FHIT: variants seen among roughly 807,000 people sequenced by gnomAD.
FHIT encodes bis(5'-adenosyl)-triphosphatase.
A neutral mutation model predicts 17.9 loss-of-function variants in FHIT; 19 were observed. The ratio of observed to expected loss-of-function variants is 1.06; its 90% CI spans 0.74 to 1.56. The LOEUF (loss-of-function observed/expected upper bound fraction) is 1.56. Ranked by LOEUF, FHIT falls within the 40% of genes most tolerant of loss-of-function variation. The probability of loss-of-function intolerance (pLI) is 0.00; values close to 1 mark genes in which losing one functional copy is unlikely to be tolerated. For missense variants in FHIT, 248 were observed against 189.2 expected (o/e 1.31, Z -1.82); for synonymous variants, 81 against 69.7 (o/e 1.16, Z -0.81).
At position 60,464,022 on chromosome 3, in the gene FHIT, T is replaced by TTGTGGAA. The variant is rs2032639449; in HGVS notation, c.103+72837_103+72838insTTCCACA. 3.9e-5 allele frequency among the ~76,000 whole-genome samples: 6 copies of TTGTGGAA among 152,308 alleles called. No homozygotes were observed. In the South Asian group the frequency reaches 1.2e-3, roughly 32 times the overall value. On this transcript the variant is annotated intron_variant, in intron 5 of 9. Coordinates refer to ENST00000492590, the MANE Select transcript of FHIT (RefSeq NM_002012.4). ...AAGAACATGTAATTTGCCCTTTATT[T>TTGTGGAA]GCACAGTTTGGAATCATCATCATAA...
At chr3:60,543,806 G>A (rs1028519196) in intron 4 of FHIT, among the ~76,000 whole-genome samples, 3 of 151,358 alleles carry the variant, frequency 2.0e-5, no homozygotes, top group African/African-American at 4.9e-5. Flanking sequence ...GTGCAGCGGC[G>A]CAATCTCGGC....
intron 8 of FHIT, among the ~76,000 whole-genome samples, chr3:59,761,109 G>C (rs1211565582): frequency 1.3e-5 from 2 of 152,174 alleles, no homozygotes; most frequent in Admixed American, 1.3e-4. Context: ...AACCTTGTAA[G>C]GGATTGGAAC....
intron 4 of FHIT, among the ~76,000 whole-genome samples, chr3:60,630,903 T>G (rs1284312913): frequency 7.0e-6 from 1 of 142,838 alleles, no homozygotes; most frequent in Non-Finnish European, 1.5e-5. Context: ...AATAGCCACA[T>G]GTCAAATTTA....
At chr3:60,071,490 G>A (rs761760349) in intron 5 of FHIT, among the ~76,000 whole-genome samples, 15 of 152,074 alleles carry the variant, frequency 9.9e-5, no homozygotes, top group Non-Finnish European at 2.1e-4. Context: ...CACTTCTGAG[G>A]CTGTGTGTTT....
At chr3:61,218,145 T>C (rs1286650684) in intron 1 of FHIT, among the ~76,000 whole-genome samples, 1 of 152,122 alleles carries the variant, frequency 6.6e-6, no homozygotes, top group Non-Finnish European at 1.5e-5. Context: ...CAGTTGTGAA[T>C]ATGGATGTGA....
At position 60,990,094 on chromosome 3, in the gene FHIT, C is replaced by G. The variant is rs577177818; in HGVS notation, c.-111+51953G>C. Among the ~76,000 whole-genome samples, 5 of 152,156 alleles carry G rather than the reference C, an allele frequency of 3.3e-5. No individual in the cohort carries two copies. The East Asian group carries it at 9.6e-4, about 29-fold the overall frequency. On this transcript the variant is annotated intron_variant, in intron 3 of 9. Transcript: ENST00000492590. Reference sequence around the variant, plus strand: ...CAGCCCCGCCCATCACACCCACAACCCTTATGTACGCCCAAGGGTGCCTGG... The same window carrying G: ...CAGCCCCGCCCATCACACCCACAACGCTTATGTACGCCCAAGGGTGCCTGG...
intron 5 of FHIT, among the ~76,000 whole-genome samples, chr3:60,531,570 G>A (rs1354627637): frequency 1.3e-5 from 2 of 152,120 alleles, no homozygotes. Flanking sequence ...GAGCCACCGC[G>A]CCCGGCCGAA....
intron 4 of FHIT, among the ~76,000 whole-genome samples, chr3:60,779,723 CAA>C (rs1700321102): frequency 6.6e-6 from 1 of 151,928 alleles, no homozygotes; most frequent in African/African-American, 2.4e-5. Context: ...AGCTTCACAT[CAA>C]AGCCTTAGGA....
chr3:60,852,723 T>A (rs1428255926), intron 3 of FHIT, among the ~76,000 whole-genome samples: 1 of 152,010 alleles, frequency 6.6e-6, no homozygotes, highest in Non-Finnish European at 1.5e-5. Context: ...TAAGGCAGTC[T>A]TGAAAAAAAG....
chr3:60,524,511 G>T (rs552888446), intron 5 of FHIT, among the ~76,000 whole-genome samples: 1 of 152,150 alleles, frequency 6.6e-6, no homozygotes, highest in African/African-American at 2.4e-5. Context: ...AGTGTGGTTG[G>T]ATCTGAGCGA....
rs115269889 is a variant in FHIT at position 60,001,753 on chromosome 3, C to T, written c.279+9618G>A. Among the ~76,000 whole-genome samples, 333 of 152,228 alleles carry T rather than the reference C, an allele frequency of 2.2e-3. 3 individuals carry two copies. The highest frequency in any genetic ancestry group is 7.8e-3 in the African/African-American group (325 of 41,554). On this transcript the variant is annotated intron_variant, in intron 7 of 9. Coordinates refer to ENST00000492590, the MANE Select transcript of FHIT (RefSeq NM_002012.4). Reference sequence around the variant, plus strand: ...TTCTTCCTTAAAGAGTGAGATTCATCGATGGTCATCTGATAGTGGAGCAGA... The same window carrying T: ...TTCTTCCTTAAAGAGTGAGATTCATTGATGGTCATCTGATAGTGGAGCAGA...
At chr3:61,127,968 G>A (rs553035920) in intron 2 of FHIT, among the ~76,000 whole-genome samples, 1 of 152,182 alleles carries the variant, frequency 6.6e-6, no homozygotes, top group East Asian at 1.9e-4. Context: ...GATTTTAAAA[G>A]AGGCTTTGTT....
intron 5 of FHIT, among the ~76,000 whole-genome samples, chr3:60,156,624 C>T (rs1700708987): frequency 6.6e-6 from 1 of 151,914 alleles, no homozygotes; most frequent in Non-Finnish European, 1.5e-5. Context: ...TAATGGTGAG[C>T]ACCTGTAGTC....
chr3:60,789,121 GATATGTATATAT>G (rs1190161921), intron 4 of FHIT, among the ~76,000 whole-genome samples: 1 of 144,324 alleles, frequency 6.9e-6, no homozygotes, highest in African/African-American at 2.7e-5. Flanking sequence ...TGTATATATA[GATATGTATATAT>G]AGAGAGAGAT....
intron 4 of FHIT, among the ~76,000 whole-genome samples, chr3:60,777,411 T>C (rs1337502633): frequency 2.0e-5 from 3 of 152,254 alleles, no homozygotes; most frequent in African/African-American, 7.2e-5. Context: ...TGAGTTTATC[T>C]GAAGACCTGG....
chr3:60,647,513 T>C (rs958571224), intron 4 of FHIT, among the ~76,000 whole-genome samples: 3 of 152,148 alleles, frequency 2.0e-5, no homozygotes, highest in African/African-American at 7.2e-5. Context: ...CCAGGGTTCT[T>C]TCCACTTGCC....
intron 4 of FHIT, among the ~76,000 whole-genome samples, chr3:60,763,005 T>C (rs1553720435): frequency 6.6e-6 from 1 of 152,188 alleles, no homozygotes; most frequent in Non-Finnish European, 1.5e-5. Flanking sequence ...TACACCATTC[T>C]AACTGGGTTT....
chr3:60,231,411 C>T (rs1028163217), intron 5 of FHIT, among the ~76,000 whole-genome samples: 7 of 152,162 alleles, frequency 4.6e-5, no homozygotes, highest in Admixed American at 2.6e-4. Flanking sequence ...TACAGTATTA[C>T]CAACACCTCA....
chr3:60,475,558 AC>A (rs2033303510), intron 5 of FHIT, among the ~76,000 whole-genome samples: 1 of 152,200 alleles, frequency 6.6e-6, no homozygotes, highest in Non-Finnish European at 1.5e-5. Context: ...AGGGGCTACA[AC>A]CCAGGGACCC....
Sources: gnomAD v4.1 joint callset for allele counts (sites outside exome capture counted in the v4.1 genomes callset) on GRCh38, gnomAD v4.1.1 for gene constraint, MANE v1.5 for transcripts, NCBI Gene and HGNC (gene_info 2026-07-23, HGNC 2026-07-21) for gene names.